KIF2A: variants seen among roughly 807,000 people sequenced by gnomAD.
KIF2A encodes the protein kinesin family member 2A.
KIF2A carries 22 observed loss-of-function variants against 100.2 expected under a neutral mutation model. The observed-to-expected ratio is 0.22, with a 90% CI of 0.16 to 0.31. The LOEUF (loss-of-function observed/expected upper bound fraction) is 0.31. Among genes scored for constraint, KIF2A ranks in the 10% least tolerant of loss-of-function variants. The pLI is 1.00. For synonymous variants in KIF2A, 268 were observed against 285.9 expected (o/e 0.94, Z 0.63); for missense variants, 495 against 898.7 (o/e 0.55, Z 5.74).
intron 1 of KIF2A, among the ~76,000 whole-genome samples, chr5:62,328,276 C>A (rs770122743): frequency 6.7e-6 from 1 of 148,282 alleles, no homozygotes; most frequent in Non-Finnish European, 1.5e-5. Flanking sequence ...ATTTAGTTAA[C>A]TTATTTAGTA....
intron 6 of KIF2A, among the ~76,000 whole-genome samples, chr5:62,354,656 G>C (rs1748008998): frequency 6.6e-6 from 1 of 152,018 alleles, no homozygotes; most frequent in Non-Finnish European, 1.5e-5. Context: ...TCATTACTTA[G>C]TATTTTTTAG....
Position 62,353,339 on chromosome 5 carries a change from A to G in KIF2A, c.522A>G (p.Arg174=), listed in dbSNP as rs777911286. Residue 174 remains arginine (R), a synonymous_variant, in exon 6 of 21, where the codon AGA becomes AGG. Transcript: ENST00000407818. ...TGCAAGAAAAACGAGAGAAAAGGAG[A>G]TTGCAACAGCAAGAACTTAGAGAAA... ...EKLQEKREKR[R]LQQQELREKR... 1 of 1,578,006 alleles carries G rather than the reference A, an allele frequency of 6.3e-7. No homozygotes were observed. The highest frequency in any genetic ancestry group is 1.2e-5 in the South Asian group (1 of 82,408).
chr5:62,347,030 A>ATT, intron 1 of KIF2A, 100 bp from the exon 2 acceptor site: 5 of 615,252 alleles, frequency 8.1e-6, no homozygotes, highest in East Asian at 3.4e-5. Context: ...AAGTAGTGTC[A>ATT]TTTTTTTTTT....
At position 62,385,623 on chromosome 5, in the gene KIF2A, C is replaced by A; in HGVS notation, c.*54C>A. 7.8e-7 allele frequency: 1 copy of A among 1,275,572 alleles called. No homozygotes were observed. Among genetic ancestry groups the A allele is most frequent in the Non-Finnish European group, 1.1e-6 (1 of 896,538 alleles). 79.0% of individuals were successfully genotyped at this position (1,275,572 alleles called of 1,614,324 possible). A position where few individuals can be genotyped will look rare whatever the true frequency, so the allele number is the denominator to read the frequency against. ...GAACCCTCACTACTGTAACATACAA[C>A]GGTTCAGCTGTAAGGGCCATTTGAA... On this transcript the variant is annotated 3_prime_UTR_variant, in exon 21 of 21. Transcript: ENST00000407818.
intron 1 of KIF2A, among the ~76,000 whole-genome samples, chr5:62,317,203 C>T (rs1463636054): frequency 1.3e-5 from 2 of 152,080 alleles, no homozygotes; most frequent in Non-Finnish European, 2.9e-5. Context: ...CATGCGCCAC[C>T]GTGCCCAGCT....
Position 62,306,356 on chromosome 5 carries a change from G to C in KIF2A, c.-117G>C. The C allele has an allele frequency of 3.7e-6, 3 of 808,822 alleles. No individual in the cohort carries two copies. Among genetic ancestry groups the C allele is most frequent in the East Asian group, 2.9e-5 (1 of 34,212 alleles). The allele number at this position is 808,822 out of a possible 1,614,324, so 50.1% of individuals were successfully genotyped here. ...CCCGCTTGCGTTCACGCTGTCGCCC[G>C]GGCCGGCGCGGCCGCGGGCAACCGC... On this transcript the variant is annotated 5_prime_UTR_variant, in exon 1 of 21. Transcript: ENST00000407818.
chr5:62,313,535 A>T (rs1272012900), intron 1 of KIF2A, among the ~76,000 whole-genome samples: 3 of 151,978 alleles, frequency 2.0e-5, no homozygotes, highest in Non-Finnish European at 4.4e-5. Context: ...TTGTATTTTT[A>T]GTAGAGATGG....
At chr5:62,364,535 T>C (rs1740978063) in intron 14 of KIF2A, among the ~76,000 whole-genome samples, 1 of 152,196 alleles carries the variant, frequency 6.6e-6, no homozygotes. Context: ...AAATGTGGAA[T>C]GGCTTTCAAA....
At chr5:62,381,797 A>C (rs1741781509) in intron 20 of KIF2A, among the ~76,000 whole-genome samples, 1 of 152,360 alleles carries the variant, frequency 6.6e-6, no homozygotes, top group East Asian at 1.9e-4. Flanking sequence ...TCCTGGGCTC[A>C]AGCAGTCCTC....
intron 20 of KIF2A, 83 bp from the exon 21 acceptor site, chr5:62,385,401 C>A (rs1427481938): frequency 1.1e-6 from 1 of 889,494 alleles, no homozygotes; most frequent in Non-Finnish European, 1.8e-6. Flanking sequence ...AATAACACAG[C>A]TGACTTGATT....
intron 9 of KIF2A, among the ~76,000 whole-genome samples, chr5:62,360,479 G>T (rs866135308): frequency 2.6e-5 from 4 of 151,922 alleles, no homozygotes; most frequent in East Asian, 2.0e-4. Flanking sequence ...GTGGTCAGGA[G>T]TTTGAGACCA....
intron 1 of KIF2A, among the ~76,000 whole-genome samples, chr5:62,330,836 T>G (rs1242925371): frequency 6.6e-6 from 1 of 152,180 alleles, no homozygotes. Context: ...GTAAGCTAGA[T>G]TTTCCTATTA....
intron 20 of KIF2A, among the ~76,000 whole-genome samples, chr5:62,382,550 GT>G (rs1741816000): frequency 6.6e-6 from 1 of 151,476 alleles, no homozygotes; most frequent in African/African-American, 2.4e-5. Context: ...AACAAGAAGT[GT>G]TTTGGATTTC....
intron 1 of KIF2A, among the ~76,000 whole-genome samples, chr5:62,334,167 C>T (rs909745468): frequency 6.6e-6 from 1 of 151,900 alleles, no homozygotes; most frequent in Admixed American, 6.6e-5. Flanking sequence ...GCACTGCCCA[C>T]CCCCCGGACC....
chr5:62,373,611 A>C (rs907755754), intron 17 of KIF2A, 76 bp from the exon 18 acceptor site: 3 of 1,025,970 alleles, frequency 2.9e-6, no homozygotes, highest in Middle Eastern at 2.0e-4. Flanking sequence ...AATTGCGTGT[A>C]TATTGAATAG....
Position 62,361,336 on chromosome 5 carries a change from AG to A in KIF2A, c.963+5del. The A allele has an allele frequency of 6.3e-7, 1 of 1,588,402 alleles. No homozygotes were observed. The highest frequency in any genetic ancestry group is 8.6e-7 in the Non-Finnish European group (1 of 1,159,024). On this transcript the variant is annotated splice_donor_5th_base_variant and intron_variant, in intron 10 of 20. Transcript: ENST00000407818. ...GACTGGAAGTGGAAAAACTCATGTA[AG>A]TAATTTATTAAAGTTACATTCTGGT...
chr5:62,319,893 A>G lies in KIF2A; in HGVS notation c.64+13357A>G, dbSNP rs142464683. ...GTTCCAAAATGATATATATGTATGTATGTATGTATGTATATATCTATTAGT... is the reference window on the plus strand; with the variant it reads ...GTTCCAAAATGATATATATGTATGTGTGTATGTATGTATATATCTATTAGT... On this transcript the variant is annotated intron_variant, in intron 1 of 20. Transcript: ENST00000407818. Among the ~76,000 whole-genome samples the G allele has an allele frequency of 8.5e-5, 13 of 152,276 alleles. No individual in the cohort carries two copies. In the East Asian group the frequency reaches 2.1e-3, roughly 25 times the overall value.
chr5:62,331,275 G>A (rs1746626378), intron 1 of KIF2A, among the ~76,000 whole-genome samples: 1 of 152,198 alleles, frequency 6.6e-6, no homozygotes, highest in Non-Finnish European at 1.5e-5. Flanking sequence ...GCCAGGCGTG[G>A]TGGTGCATGC....
At chr5:62,314,516 G>A (rs1745709721) in intron 1 of KIF2A, among the ~76,000 whole-genome samples, 1 of 152,154 alleles carries the variant, frequency 6.6e-6, no homozygotes, top group African/African-American at 2.4e-5. Flanking sequence ...AGCAGTGGAT[G>A]CAGCTACTGG....
Sources: allele counts gnomAD v4.1 joint callset (sites outside exome capture counted in the v4.1 genomes callset), GRCh38; gene constraint gnomAD v4.1.1; transcripts MANE v1.5; gene names NCBI Gene and HGNC (gene_info 2026-07-23, HGNC 2026-07-21).